CFAP299: variants seen among roughly 807,000 people sequenced by gnomAD.
The protein encoded by CFAP299 is cilia and flagella associated protein 299, also known as cilia- and flagella-associated protein 299.
CFAP299 carries 21 observed loss-of-function variants against 27.0 expected under a neutral mutation model. That is an observed-to-expected ratio of 0.78 (90% CI 0.55 to 1.12). CFAP299 has a LOEUF of 1.12. CFAP299 is among the 50% of genes most tolerant of loss of function. CFAP299 has a pLI of 0.00. For synonymous variants in CFAP299, 104 were observed against 98.1 expected (o/e 1.06, Z -0.36); for missense variants, 310 against 276.6 (o/e 1.12, Z -0.86).
intron 4 of CFAP299, among the ~76,000 whole-genome samples, chr4:80,939,158 G>A (rs1021983239): frequency 6.6e-6 from 1 of 152,180 alleles, no homozygotes; most frequent in Non-Finnish European, 1.5e-5. Context: ...AAGATTAACT[G>A]ATGTTTAGCC....
chr4:80,588,974 CA>C (rs1471263395), intron 3 of CFAP299, among the ~76,000 whole-genome samples: 1 of 152,052 alleles, frequency 6.6e-6, no homozygotes, highest in Non-Finnish European at 1.5e-5. Flanking sequence ...GACTTAAATT[CA>C]AATCTAGGCA....
At chr4:80,561,908 A>C (rs1365723288) in intron 2 of CFAP299, among the ~76,000 whole-genome samples, 1 of 152,166 alleles carries the variant, frequency 6.6e-6, no homozygotes, top group African/African-American at 2.4e-5. Context: ...TAGAAAGACT[A>C]AACAATGAGC....
rs555963431 is a variant in CFAP299 at position 80,765,618 on chromosome 4, TA to T, written c.334-104374del. Among the ~76,000 whole-genome samples, 372 of 152,154 alleles carry T rather than the reference TA, an allele frequency of 2.4e-3. 2 individuals carry two copies. The highest frequency in any genetic ancestry group is 6.8e-3 in the Middle Eastern group (2 of 294). On this transcript the variant is annotated intron_variant, in intron 3 of 5. Coordinates refer to ENST00000358105, the MANE Select transcript of CFAP299 (RefSeq NM_152770.3). The stretch of plus-strand genomic sequence containing the variant: ...AAGATGCTATAAAAATAAATTTTTT[TA>T]TTTTTTTATTATACTTTAAGTTTCA...
chr4:80,499,130 A>G (rs749183070), intron 2 of CFAP299, among the ~76,000 whole-genome samples: 42 of 152,144 alleles, frequency 2.8e-4, no homozygotes, highest in Non-Finnish European at 2.5e-4. Flanking sequence ...AAACTTACCT[A>G]TTGGGTACCA....
At position 80,390,934 on chromosome 4, in the gene CFAP299, T is replaced by C. The variant is rs1482535997; in HGVS notation, c.242+28050T>C. Among the ~76,000 whole-genome samples, 85 of 32,784 alleles carry C rather than the reference T, an allele frequency of 2.6e-3. 1 individual carries two copies. Among genetic ancestry groups the C allele is most frequent in the Admixed American group, 4.7e-3 (10 of 2,120 alleles). 21.5% of individuals were successfully genotyped at this position (32,784 alleles called of 152,430 possible). A position where few individuals can be genotyped will look rare whatever the true frequency, so the allele number is the denominator to read the frequency against. ...GTATATACACACATATGTATATATG[T>C]ATATATGTATGTACACACATGTATA... On this transcript the variant is annotated intron_variant, in intron 2 of 5. Coordinates refer to ENST00000358105, the MANE Select transcript of CFAP299 (RefSeq NM_152770.3).
chr4:80,753,829 TTTTAGC>T (rs774889944), intron 3 of CFAP299, among the ~76,000 whole-genome samples: 5 of 152,170 alleles, frequency 3.3e-5, no homozygotes, highest in Non-Finnish European at 5.9e-5. Flanking sequence ...TTCGTTTTAG[TTTTAGC>T]ATTTCCATTT....
chr4:80,656,501 T>C (rs186886231), intron 3 of CFAP299, among the ~76,000 whole-genome samples: 1 of 152,274 alleles, frequency 6.6e-6, no homozygotes, highest in Non-Finnish European at 1.5e-5. Flanking sequence ...CTGTGTTAGT[T>C]TGCTAAGAAT....
intron 3 of CFAP299, among the ~76,000 whole-genome samples, chr4:80,796,992 A>G (rs1727901871): frequency 6.6e-6 from 1 of 152,116 alleles, no homozygotes; most frequent in African/African-American, 2.4e-5. Flanking sequence ...CACTGGACCT[A>G]CTGTAAGTTG....
chr4:80,787,411 C>G (rs1360046433), intron 3 of CFAP299, among the ~76,000 whole-genome samples: 2 of 151,780 alleles, frequency 1.3e-5, no homozygotes, highest in Non-Finnish European at 2.9e-5. Context: ...TCTTTTCACT[C>G]TAATTCAGTC....
intron 3 of CFAP299, among the ~76,000 whole-genome samples, chr4:80,864,512 A>C (rs1186578100): frequency 6.8e-6 from 1 of 147,424 alleles, no homozygotes; most frequent in African/African-American, 2.5e-5. Flanking sequence ...ATATATACCT[A>C]TATATACGTA....
intron 2 of CFAP299, among the ~76,000 whole-genome samples, chr4:80,545,833 T>C (rs138223723): frequency 0.015 from 2,230 of 152,218 alleles, 33 homozygotes; most frequent in South Asian, 0.077. Flanking sequence ...TAAACATAGA[T>C]GCAAAAATGC....
At chr4:80,666,567 C>G (rs564239605) in intron 3 of CFAP299, among the ~76,000 whole-genome samples, 3 of 152,196 alleles carry the variant, frequency 2.0e-5, no homozygotes, top group Non-Finnish European at 4.4e-5. Flanking sequence ...TGTCTTCCTT[C>G]TCATCCTATA....
chr4:80,526,382 C>A (rs1159429307), intron 2 of CFAP299, among the ~76,000 whole-genome samples: 2 of 152,072 alleles, frequency 1.3e-5, no homozygotes, highest in South Asian at 2.1e-4. Flanking sequence ...TTCCACTACC[C>A]AGTTAAAAGA....
At chr4:80,576,195 A>ATATATATAT (rs1221226539) in intron 2 of CFAP299, among the ~76,000 whole-genome samples, 5 of 40,832 alleles carry the variant, frequency 1.2e-4, no homozygotes, top group Admixed American at 3.9e-4. Context: ...AATAAAAAAA[A>ATATATATAT]AAATATATAT....
At chr4:80,604,877 G>C (rs2109907196) in intron 3 of CFAP299, among the ~76,000 whole-genome samples, 1 of 101,472 alleles carries the variant, frequency 9.9e-6, no homozygotes, top group Middle Eastern at 5.3e-3. Context: ...GTCCCCAGAG[G>C]ACAATATAAT....
chr4:80,938,294 C>A (rs1235887024), intron 4 of CFAP299, among the ~76,000 whole-genome samples: 1 of 152,132 alleles, frequency 6.6e-6, no homozygotes, highest in East Asian at 1.9e-4. Context: ...GCCATGACAC[C>A]CACGCTTGAA....
At position 80,923,366 on chromosome 4, in the gene CFAP299, G is replaced by A. The variant is rs79705098; in HGVS notation, c.477-21444G>A. Among the ~76,000 whole-genome samples the A allele has an allele frequency of 8.4e-3, 1,280 of 151,840 alleles. 13 individuals carry two copies. The highest frequency in any genetic ancestry group is 0.013 in the Non-Finnish European group (911 of 67,918). ...CCTTTCACTTTTGCCTTTCATTGTC[G>A]TCTCTTAGTGTATATATAAAAAGGC... is the stretch of plus-strand genomic sequence containing the variant. On this transcript the variant is annotated intron_variant, in intron 4 of 5. Transcript: ENST00000358105.
chr4:80,625,995 T>A (rs1738875845), intron 3 of CFAP299, among the ~76,000 whole-genome samples: 1 of 151,744 alleles, frequency 6.6e-6, no homozygotes, highest in African/African-American at 2.4e-5. Context: ...AGAAAATCAA[T>A]AAGGAAACAG....
chr4:80,702,713 A>G (rs971556078), intron 3 of CFAP299, among the ~76,000 whole-genome samples: 4 of 151,904 alleles, frequency 2.6e-5, no homozygotes, highest in Admixed American at 2.6e-4. Context: ...AAAAGTAAGC[A>G]TATGGGTTCT....
Sources: allele counts gnomAD v4.1 joint callset (sites outside exome capture counted in the v4.1 genomes callset), GRCh38; gene constraint gnomAD v4.1.1; transcripts MANE v1.5; gene names NCBI Gene and HGNC (gene_info 2026-07-23, HGNC 2026-07-21).